Variants in TXNDC15 observed in about 807,000 individuals in gnomAD.
The protein encoded by TXNDC15 is thioredoxin domain containing 15, also known as thioredoxin domain-containing protein 15.
TXNDC15 carries 24 observed loss-of-function variants against 35.0 expected under a neutral mutation model. That is an observed-to-expected ratio of 0.68 (90% CI 0.50 to 0.96). The LOEUF (loss-of-function observed/expected upper bound fraction) is 0.96. Ranked by LOEUF, TXNDC15 falls within the 40% of genes least tolerant of loss-of-function variation. TXNDC15 has a pLI of 0.00. For missense variants in TXNDC15, 385 were observed against 453.3 expected (o/e 0.85, Z 1.37); for synonymous variants, 169 against 174.0 (o/e 0.97, Z 0.23).
intron 2 of TXNDC15, among the ~76,000 whole-genome samples, 195 bp downstream of exon 2, chr5:134,888,377 G>A (rs1444226339): frequency 6.6e-6 from 1 of 152,122 alleles, no homozygotes; most frequent in Non-Finnish European, 1.5e-5. Context: ...AACTAGTGTT[G>A]ATTATGCTTT....
At chr5:134,896,481 T>G in intron 4 of TXNDC15, 57 bp downstream of exon 4, 2 of 1,599,144 alleles carry the variant, frequency 1.3e-6, no homozygotes, top group South Asian at 2.3e-5. Flanking sequence ...GGTCTGTGCC[T>G]TCTGTGGGTT....
In TXNDC15 at chr5:134,874,400, G is replaced by A. The variant is rs903657107; in HGVS notation, c.-28G>A. ...GGCTGGCAGCACGACTCGCGTAGCC[G>A]TGCGCCGATTGCCTCTCGGCCTGGG... On this transcript the variant is annotated 5_prime_UTR_variant, in exon 1 of 5. The change creates a new upstream start codon in the 5' untranslated region. Transcript: ENST00000358387. 1 of 1,568,572 alleles carries A rather than the reference G, an allele frequency of 6.4e-7. No homozygotes were observed. Among genetic ancestry groups the A allele is most frequent in the East Asian group, 2.4e-5 (1 of 41,130 alleles).
intron 1 of TXNDC15, 53 bp from the exon 2 acceptor site, chr5:134,887,642 G>T: frequency 6.6e-7 from 1 of 1,516,458 alleles, no homozygotes; most frequent in Non-Finnish European, 8.8e-7. Context: ...AATTCTTTGG[G>T]GTTCATTTGT....
chr5:134,877,455 C>A (rs1171846396), intron 1 of TXNDC15, among the ~76,000 whole-genome samples: 2 of 152,064 alleles, frequency 1.3e-5, no homozygotes, highest in Non-Finnish European at 2.9e-5. Flanking sequence ...CTGTGAAGGT[C>A]AGGGTCTGGA....
chr5:134,882,176 G>A lies in TXNDC15; in HGVS notation c.104-5519G>A, dbSNP rs575123803. ...TCCTCACTTCTCAGACGGGGTGGCCGGGCAGAGACGCTCCTCACATCCCGG... is the reference window on the plus strand; with the variant it reads ...TCCTCACTTCTCAGACGGGGTGGCCAGGCAGAGACGCTCCTCACATCCCGG... On this transcript the variant is annotated intron_variant, in intron 1 of 4. Coordinates refer to ENST00000358387, the MANE Select transcript of TXNDC15 (RefSeq NM_024715.4). Among the ~76,000 whole-genome samples the A allele has an allele frequency of 2.1e-4, 32 of 151,354 alleles. 1 individual carries two copies. In the South Asian group the frequency reaches 5.2e-3, roughly 25 times the overall value.
intron 1 of TXNDC15, among the ~76,000 whole-genome samples, chr5:134,880,434 CTTA>C (rs1750118578): frequency 6.7e-6 from 1 of 149,932 alleles, no homozygotes; most frequent in Admixed American, 6.6e-5. Context: ...ATTTATTTCA[CTTA>C]TTATTTTTTT....
At position 134,899,548 on chromosome 5, in the gene TXNDC15, A is replaced by C. The variant is rs1750560155; in HGVS notation, c.946A>C (p.Ser316Arg). ...AGCCGACCAAATAGGCCCTCTTCCCAGCACTTTGATAAAAAGTGTGGACTG... is the reference window on the plus strand; with the variant it reads ...AGCCGACCAAATAGGCCCTCTTCCCCGCACTTTGATAAAAAGTGTGGACTG... ...TQADQIGPLP[S>R]TLIKSVDWLL... is the part of the protein sequence containing the mutation. Residue 316 changes from serine (S) to arginine (R), a missense_variant, in exon 5 of 5, where the codon AGC (serine) becomes CGC (arginine). By Grantham distance (110) the Ser-to-Arg change is moderately radical. Coordinates refer to ENST00000358387, the MANE Select transcript of TXNDC15 (RefSeq NM_024715.4). 1 of 1,613,920 alleles carries C rather than the reference A, an allele frequency of 6.2e-7. No individual in the cohort carries two copies. Among genetic ancestry groups the C allele is most frequent in the Non-Finnish European group, 8.5e-7 (1 of 1,180,016 alleles).
At chr5:134,874,357 C>T (rs947968080), upstream of TXNDC15, 3 of 1,355,150 alleles carry the variant, frequency 2.2e-6, no homozygotes, top group African/African-American at 1.5e-5. Flanking sequence ...CCAGGCTCTC[C>T]TCCCCCAGCC....
chr5:134,878,317 T>C (rs1750079803), intron 1 of TXNDC15, among the ~76,000 whole-genome samples: 1 of 152,216 alleles, frequency 6.6e-6, no homozygotes, highest in Non-Finnish European at 1.5e-5. Flanking sequence ...TATGGAGTGT[T>C]TAACCTGTGG....
upstream of TXNDC15, chr5:134,874,323 C>T (rs921665051): frequency 1.5e-4 from 142 of 930,690 alleles, no homozygotes; most frequent in Non-Finnish European, 2.1e-4. Context: ...GTTAAGATGG[C>T]GGCGCGGGGC....
intron 1 of TXNDC15, among the ~76,000 whole-genome samples, chr5:134,886,171 A>G (rs1006640957): frequency 2.0e-5 from 3 of 152,260 alleles, no homozygotes; most frequent in Admixed American, 2.0e-4. Context: ...TGATTATCAC[A>G]TGTACATCTG....
intron 1 of TXNDC15, among the ~76,000 whole-genome samples, chr5:134,876,376 T>C (rs890978105): frequency 2.0e-5 from 3 of 152,202 alleles, no homozygotes; most frequent in East Asian, 1.9e-4. Context: ...GTGGAAAGCA[T>C]TGAATTCTAG....
intron 1 of TXNDC15, among the ~76,000 whole-genome samples, chr5:134,887,203 G>A (rs977528451): frequency 7.2e-5 from 11 of 152,092 alleles, no homozygotes; most frequent in African/African-American, 2.7e-4. Flanking sequence ...TTTGTTTTTT[G>A]AGACGGAGTC....
chr5:134,878,394 G>A (rs2150183593), intron 1 of TXNDC15, among the ~76,000 whole-genome samples: 1 of 152,224 alleles, frequency 6.6e-6, no homozygotes, highest in East Asian at 1.9e-4. Flanking sequence ...ACATTTTGGT[G>A]GTATTGTCTC....
intron 1 of TXNDC15, among the ~76,000 whole-genome samples, chr5:134,876,415 T>G (rs1750034970): frequency 6.6e-6 from 1 of 152,202 alleles, no homozygotes; most frequent in Admixed American, 6.5e-5. Context: ...ACCCTTGATG[T>G]TTCAAGGTTC....
At chr5:134,896,826 A>G (rs1050742717) in intron 4 of TXNDC15, among the ~76,000 whole-genome samples, 1 of 151,526 alleles carries the variant, frequency 6.6e-6, no homozygotes, top group Admixed American at 6.6e-5. Flanking sequence ...TGTATTTTTA[A>G]TAGAGACGGG....
chr5:134,892,597 G>A (rs926013717), intron 2 of TXNDC15: 7 of 152,126 alleles, frequency 4.6e-5, no homozygotes, highest in Non-Finnish European at 1.0e-4. Flanking sequence ...TGGCTGTTTG[G>A]TGTAAGAGGC....
At chr5:134,895,553 A>G (rs1750472940) in intron 3 of TXNDC15, among the ~76,000 whole-genome samples, 1 of 152,186 alleles carries the variant, frequency 6.6e-6, no homozygotes, top group Non-Finnish European at 1.5e-5. Context: ...ATGGGCTGGG[A>G]CATGTTTGCT....
intron 1 of TXNDC15, among the ~76,000 whole-genome samples, chr5:134,883,581 C>A (rs1233174598): frequency 8.8e-6 from 1 of 113,114 alleles, no homozygotes; most frequent in Admixed American, 9.1e-5. Context: ...GAGCGAGACC[C>A]TGTCTCAAAA....
Sources: allele counts gnomAD v4.1 joint callset (sites outside exome capture counted in the v4.1 genomes callset), GRCh38; gene constraint gnomAD v4.1.1; transcripts MANE v1.5; gene names NCBI Gene and HGNC (gene_info 2026-07-23, HGNC 2026-07-21).